The following ARID1B variants were observed in gnomAD, a reference collection of about 807,000 sequenced individuals.
ARID1B encodes the protein AT-rich interactive domain-containing protein 1B.
In ARID1B, 30 loss-of-function variants were observed where a neutral mutation model predicts 212.3. The observed-to-expected ratio is 0.14, with a 90% CI of 0.11 to 0.19. ARID1B has a LOEUF of 0.19. Among genes scored for constraint, ARID1B ranks in the 10% least tolerant of loss-of-function variants. ARID1B has a pLI of 1.00. For missense variants in ARID1B, 2,891 were observed against 3,204.0 expected, an observed-to-expected ratio of 0.90 and a Z score of 2.36; for synonymous variants, 1,402 against 1,301.7, an observed-to-expected ratio of 1.08 and a Z score of -1.66.
At chr6:156,980,532 GTGTGCCAGTCAA>G (rs1447079858) in intron 4 of ARID1B, among the ~76,000 whole-genome samples, 5 of 152,256 alleles carry the variant, frequency 3.3e-5, no homozygotes, top group South Asian at 4.1e-4. Context: ...GCTCCTTTCT[GTGTGCCAGTCAA>G]TGTGCCAGTC....
chr6:157,001,293 C>T (rs146540183), intron 4 of ARID1B, among the ~76,000 whole-genome samples: 102 of 152,224 alleles, frequency 6.7e-4, no homozygotes, highest in Non-Finnish European at 1.2e-3. Context: ...CGAGAGGGAT[C>T]GCTCACGAGT....
At chr6:156,846,533 G>T (rs187712231) in intron 2 of ARID1B, among the ~76,000 whole-genome samples, 1 of 152,044 alleles carries the variant, frequency 6.6e-6, no homozygotes, top group Non-Finnish European at 1.5e-5. Flanking sequence ...TCTGAGAACC[G>T]ATCGGCACGT....
rs562714505 is a variant in ARID1B, at chr6:157,180,137, C to T, written c.3505-832C>T. On this transcript the variant is annotated intron_variant, in intron 11 of 19. Transcript: ENST00000636930. ...AGAAAGGGAAGAGATACAGTTGGCC[C>T]GCCTAGGGCTAAAAGTGTTACCTGT... Among the ~76,000 whole-genome samples, 9 of 152,124 alleles carry T rather than the reference C, an allele frequency of 5.9e-5. No homozygotes were observed. In the Middle Eastern group the frequency reaches 0.014, roughly 230 times the overall value.
intron 4 of ARID1B, among the ~76,000 whole-genome samples, chr6:157,008,212 G>T (rs1245187574): frequency 6.6e-6 from 1 of 151,980 alleles, no homozygotes; most frequent in Admixed American, 6.5e-5. Context: ...ATATTTCAGT[G>T]GCATTAAGTA....
chr6:156,988,901 C>T (rs1282095556), intron 4 of ARID1B, among the ~76,000 whole-genome samples: 2 of 152,146 alleles, frequency 1.3e-5, no homozygotes, highest in Non-Finnish European at 2.9e-5. Flanking sequence ...TGCATATGTG[C>T]GTTCTTACAA....
chr6:157,150,924 G>T (rs1206502588), intron 8 of ARID1B: 1 of 172,896 alleles, frequency 5.8e-6, no homozygotes, highest in Non-Finnish European at 1.3e-5. Context: ...CGATCGTGCC[G>T]TCTGGCCGCG....
rs2128463065 is a variant in ARID1B at position 157,084,835 on chromosome 6, C to T, written c.2421C>T (p.Pro807=). ...CCAGCATCCCGGGGGGCCCATCTCC[C>T]TCTCCTGTTGGCTCTCCTGTAGGAA... The part of the protein sequence containing the change: ...HLSSIPGGPS[P]SPVGSPVGSN... The change falls in exon 5 of 20, where the codon CCC becomes CCT. Residue 807 remains proline, a synonymous_variant. Coordinates refer to ENST00000636930, the MANE Select transcript of ARID1B (RefSeq NM_001374828.1). 2 of 1,614,198 alleles carry T rather than the reference C, an allele frequency of 1.2e-6. No individual in the cohort carries two copies. The highest frequency in any genetic ancestry group is 1.7e-6 in the Non-Finnish European group (2 of 1,180,034).
chr6:157,017,763 G>T (rs1183666296), intron 4 of ARID1B, among the ~76,000 whole-genome samples: 1 of 152,090 alleles, frequency 6.6e-6, no homozygotes, highest in Non-Finnish European at 1.5e-5. Flanking sequence ...CTCAGAATCT[G>T]CTTTGAAATT....
At chr6:157,101,994 G>T (rs1403963743) in intron 5 of ARID1B, among the ~76,000 whole-genome samples, 1 of 152,138 alleles carries the variant, frequency 6.6e-6, no homozygotes, top group Non-Finnish European at 1.5e-5. Context: ...TTGAAACATG[G>T]AATTTCTGAA....
intron 2 of ARID1B, among the ~76,000 whole-genome samples, chr6:156,866,008 A>G (rs1785660607): frequency 2.6e-5 from 4 of 151,966 alleles, no homozygotes; most frequent in Admixed American, 2.6e-4. Flanking sequence ...TCTTTCCCCA[A>G]GTAATTATTG....
chr6:157,048,946 G>A (rs1414615107), intron 4 of ARID1B, among the ~76,000 whole-genome samples: 1 of 152,088 alleles, frequency 6.6e-6, no homozygotes, highest in Non-Finnish European at 1.5e-5. Context: ...GACTGAGGCG[G>A]GCAGATCACT....
chr6:156,933,805 A>C (rs1470581775), intron 3 of ARID1B, among the ~76,000 whole-genome samples: 1 of 152,066 alleles, frequency 6.6e-6, no homozygotes, highest in Non-Finnish European at 1.5e-5. Context: ...ATTTAAAGGG[A>C]AGAAGGGCTA....
chr6:157,195,662 A>AG (rs764995641), intron 15 of ARID1B: 78 of 158,654 alleles, frequency 4.9e-4, no homozygotes, highest in Middle Eastern at 3.0e-3. Flanking sequence ...CCCACCGGGC[A>AG]GGGGGTGCTG....
intron 4 of ARID1B, among the ~76,000 whole-genome samples, chr6:156,970,134 G>T (rs1237758683): frequency 6.6e-6 from 1 of 152,048 alleles, no homozygotes; most frequent in African/African-American, 2.4e-5. Context: ...GGCTGGAAGT[G>T]CAATGGCATG....
chr6:156,837,087 C>A (rs1783565594), intron 2 of ARID1B, among the ~76,000 whole-genome samples: 1 of 152,168 alleles, frequency 6.6e-6, no homozygotes, highest in African/African-American at 2.4e-5. Context: ...AGAGGTGTTT[C>A]TTTCTTCTTC....
intron 5 of ARID1B, among the ~76,000 whole-genome samples, chr6:157,091,409 C>G (rs1465556733): frequency 6.6e-6 from 1 of 152,186 alleles, no homozygotes; most frequent in African/African-American, 2.4e-5. Context: ...AAGTAGATTT[C>G]TCTACCAGCC....
intron 4 of ARID1B, among the ~76,000 whole-genome samples, chr6:157,039,738 TCCC>T (rs1781685210): frequency 1.5e-5 from 1 of 65,422 alleles, no homozygotes; most frequent in Non-Finnish European, 2.9e-5. Context: ...TTTCCCTCCC[TCCC>T]TCCCTTCCTT....
chr6:157,031,958 A>G (rs1781041983), intron 4 of ARID1B, among the ~76,000 whole-genome samples: 1 of 152,150 alleles, frequency 6.6e-6, no homozygotes, highest in Non-Finnish European at 1.5e-5. Flanking sequence ...CACCACGCTC[A>G]GCTAATTTTT....
rs1787642970 is a variant in ARID1B at position 157,120,592 on chromosome 6, C to A, written c.2581+10031C>A. ...AGAATATTTTTTTAAATCTATTTTTCTCTCCAAATGGAGATGTGACACCTA... is the reference window on the plus strand; with the variant it reads ...AGAATATTTTTTTAAATCTATTTTTATCTCCAAATGGAGATGTGACACCTA... On this transcript the variant is annotated intron_variant, in intron 6 of 19. Transcript: ENST00000636930. Among the ~76,000 whole-genome samples the A allele has an allele frequency of 2.0e-5, 3 of 152,300 alleles. No individual in the cohort carries two copies. The South Asian group carries it at 6.2e-4, about 32-fold the overall frequency.
Sources: gnomAD v4.1 joint callset for allele counts (sites outside exome capture counted in the v4.1 genomes callset) on GRCh38, gnomAD v4.1.1 for gene constraint, MANE v1.5 for transcripts, NCBI Gene and HGNC (gene_info 2026-07-23, HGNC 2026-07-21) for gene names.